The following NUP107 variants were observed in gnomAD, a reference collection of about 807,000 sequenced individuals.
NUP107 encodes nuclear pore complex protein Nup107.
NUP107 carries 101 observed loss-of-function variants against 141.0 expected under a neutral mutation model. The observed-to-expected ratio is 0.72, with a 90% confidence interval of 0.61 to 0.84. The LOEUF (loss-of-function observed/expected upper bound fraction) is 0.84. Ranked by LOEUF, NUP107 falls within the 40% of genes least tolerant of loss-of-function variation. The pLI, the probability that NUP107 is intolerant of heterozygous loss-of-function variation, is 0.00. For missense variants in NUP107, 941 were observed against 1,102.7 expected (o/e 0.85, Z 2.08); for synonymous variants, 319 against 363.9 (o/e 0.88, Z 1.41).
chr12:68,734,752 A>G lies in NUP107; in HGVS notation c.2307A>G (p.Ser769=). The part of the protein sequence containing the change: ...TFNEWFKHMN[S]VPQKPALIPQ... ...ATGAGTGGTTTAAGCATATGAATTCAGTTCCACAAAAACCTGCTTTGATAC... is the reference window on the plus strand; with the variant it reads ...ATGAGTGGTTTAAGCATATGAATTCGGTTCCACAAAAACCTGCTTTGATAC... The change falls in exon 25 of 28, where the codon TCA becomes TCG. Residue 769 remains serine, a synonymous_variant. Coordinates refer to ENST00000229179, the MANE Select transcript of NUP107 (RefSeq NM_020401.4). 6.2e-7 allele frequency: 1 copy of G among 1,613,552 alleles called. No homozygotes were observed. Among genetic ancestry groups the G allele is most frequent in the Non-Finnish European group, 8.5e-7 (1 of 1,179,652 alleles).
intron 21 of NUP107, 77 bp downstream of exon 21, chr12:68,731,337 A>G: frequency 3.7e-6 from 5 of 1,368,470 alleles, no homozygotes; most frequent in Non-Finnish European, 4.9e-6. Context: ...ATTTGTCCTT[A>G]TAGTTTTAAA....
chr12:68,728,057 A>G (rs1877639646), intron 20 of NUP107, among the ~76,000 whole-genome samples: 6 of 152,094 alleles, frequency 3.9e-5, no homozygotes. Flanking sequence ...CAGAGGCGAG[A>G]GGACTGCTTG....
intron 12 of NUP107, among the ~76,000 whole-genome samples, chr12:68,717,784 T>C (rs1284483881): frequency 6.6e-6 from 1 of 152,220 alleles, no homozygotes; most frequent in Non-Finnish European, 1.5e-5. Context: ...CATAATGTTT[T>C]CAACATTCTA....
rs1055591539 is a variant in NUP107, at chr12:68,742,170, A to G, written c.2671-185A>G. Among the ~76,000 whole-genome samples the G allele has an allele frequency of 4.6e-5, 7 of 152,364 alleles. No individual in the cohort carries two copies. The South Asian group carries it at 1.0e-3, about 23-fold the overall frequency. On this transcript the variant is annotated intron_variant, in intron 27 of 27. Transcript: ENST00000229179. ...TGTATATTTGTAAGCAGTTAGAAAT[A>G]TATAGACTGACTCTGAGAATTCACC...
At chr12:68,727,745 C>T (rs1877625959) in intron 20 of NUP107, among the ~76,000 whole-genome samples, 1 of 152,062 alleles carries the variant, frequency 6.6e-6, no homozygotes, top group African/African-American at 2.4e-5. Context: ...CTCCAGGACC[C>T]CCACATATAA....
At chr12:68,690,216 C>G (rs916813242) in intron 3 of NUP107, among the ~76,000 whole-genome samples, 6 of 150,262 alleles carry the variant, frequency 4.0e-5, no homozygotes, top group Middle Eastern at 3.2e-3. Flanking sequence ...TTTTTTTGTT[C>G]TGAGACAGAA....
At position 68,713,740 on chromosome 12, in the gene NUP107, C is replaced by A. The variant is rs367882875; in HGVS notation, c.901C>A (p.Leu301Met). The stretch of plus-strand genomic sequence containing the variant: ...TATTATTTCTTTCAGGGAAAATACT[C>A]TGCATACCTTAAAACAACGGCAGCT... ...YAKSVYWENTLHTLKQRQLTS... is the reference protein window; with the variant it reads ...YAKSVYWENTMHTLKQRQLTS... The change falls in exon 11 of 28, where the codon CTG (leucine) becomes ATG (methionine). Residue 301 changes from leucine (L) to methionine (M), a missense_variant. Leu to Met is a conservative substitution (Grantham distance 15). Coordinates refer to ENST00000229179, the MANE Select transcript of NUP107 (RefSeq NM_020401.4). 1.9e-6 allele frequency: 3 copies of A among 1,604,822 alleles called. No homozygotes were observed. The African/African-American group carries it at 4.0e-5, about 22-fold the overall frequency.
At chr12:68,728,965 C>A (rs958777687) in intron 20 of NUP107, among the ~76,000 whole-genome samples, 4 of 152,028 alleles carry the variant, frequency 2.6e-5, no homozygotes, top group African/African-American at 7.2e-5. Context: ...CATGACTTTT[C>A]TCTGCTTCTT....
At chr12:68,715,573 G>A (rs983254701) in intron 11 of NUP107, 54 bp from the exon 12 acceptor site, 21 of 908,406 alleles carry the variant, frequency 2.3e-5, no homozygotes, top group Middle Eastern at 2.2e-4. Flanking sequence ...TGTGTAAAAT[G>A]TATGTAAGTA....
chr12:68,689,229 C>T (rs766906086), intron 2 of NUP107, among the ~76,000 whole-genome samples, 176 bp downstream of exon 2: 1 of 152,072 alleles, frequency 6.6e-6, no homozygotes, highest in Non-Finnish European at 1.5e-5. Flanking sequence ...TTAATGAGAT[C>T]GTATTTCCCT....
chr12:68,704,614 C>T (rs749982298), intron 8 of NUP107, among the ~76,000 whole-genome samples: 43 of 151,752 alleles, frequency 2.8e-4, no homozygotes, highest in African/African-American at 9.2e-4. Context: ...CCACCACACC[C>T]GGCTAATTTT....
chr12:68,689,052 A>C lies in NUP107; in HGVS notation c.99A>C (p.Leu33Phe), dbSNP rs1476331025. The part of the protein sequence containing the change: ...ARKQSAQKRV[L>F]LQASQDENFG... ...AACAGAGTGCTCAGAAAAGAGTTTT[A>C]CGTATCCTTTGCGATTTAAGCATCA... Residue 33 changes from leucine (L) to phenylalanine (F), a missense_variant and splice_region_variant, in exon 2 of 28, where the codon TTA (leucine) becomes TTC (phenylalanine). Physicochemically the swap from Leu to Phe is conservative, Grantham distance 22. Transcript: ENST00000229179. The C allele has an allele frequency of 6.2e-7, 1 of 1,607,852 alleles. No individual in the cohort carries two copies. Among genetic ancestry groups the C allele is most frequent in the Non-Finnish European group, 8.5e-7 (1 of 1,175,378 alleles).
chr12:68,719,879 A>G (rs1433927290), intron 14 of NUP107, among the ~76,000 whole-genome samples: 1 of 152,256 alleles, frequency 6.6e-6, no homozygotes, highest in Non-Finnish European at 1.5e-5. Flanking sequence ...AAATGAATTT[A>G]GAGAAAAAGT....
intron 19 of NUP107, among the ~76,000 whole-genome samples, 162 bp from the exon 20 acceptor site, chr12:68,727,189 G>C (rs781714917): frequency 8.5e-5 from 13 of 152,120 alleles, no homozygotes; most frequent in Non-Finnish European, 1.5e-5. Context: ...GGTTAAATCA[G>C]GCAGTAGATG....
chr12:68,741,353 C>G (rs893006589), intron 26 of NUP107, among the ~76,000 whole-genome samples: 7 of 152,004 alleles, frequency 4.6e-5, no homozygotes, highest in African/African-American at 1.7e-4. Flanking sequence ...ATTATAAATT[C>G]CATTTTCCAT....
intron 15 of NUP107, among the ~76,000 whole-genome samples, chr12:68,721,458 A>G (rs1404185256): frequency 1.3e-5 from 2 of 152,202 alleles, no homozygotes; most frequent in Non-Finnish European, 2.9e-5. Flanking sequence ...TTGATGACTT[A>G]AAATACTCAT....
chr12:68,734,919 A>G (rs1001894540), intron 25 of NUP107, 86 bp downstream of exon 25: 1 of 1,409,100 alleles, frequency 7.1e-7, no homozygotes. Flanking sequence ...TTCAGCAACT[A>G]TCTTTCGATC....
At chr12:68,701,608 G>A (rs1443859063) in intron 7 of NUP107, among the ~76,000 whole-genome samples, 4 of 151,978 alleles carry the variant, frequency 2.6e-5, no homozygotes, top group South Asian at 4.2e-4. Context: ...CTTGAACCTC[G>A]GAGGCAGAGG....
At position 68,733,541 on chromosome 12, in the gene NUP107, G is replaced by A. The variant is rs748941718; in HGVS notation, c.2191G>A (p.Gly731Arg). The A allele has an allele frequency of 3.8e-5, 62 of 1,613,644 alleles. No homozygotes were observed. The highest frequency in any genetic ancestry group is 5.2e-5 in the Non-Finnish European group (61 of 1,179,806). The change falls in exon 24 of 28, where the codon GGA becomes AGA. Residue 731 changes from glycine (G) to arginine (R), a missense_variant. Transcript: ENST00000229179. ...AATCTATAATCAGTGCGAGGAACAA[G>A]GAATGGAAAGTCCACTTCCTGCTGA... The part of the protein sequence containing the change: ...AEIYNQCEEQ[G>R]MESPLPAEDD...
Sources: gnomAD v4.1 joint callset for allele counts (sites outside exome capture counted in the v4.1 genomes callset) on GRCh38, gnomAD v4.1.1 for gene constraint, MANE v1.5 for transcripts, NCBI Gene and HGNC (gene_info 2026-07-23, HGNC 2026-07-21) for gene names.